Variants in SSBP2 observed in about 807,000 individuals in gnomAD.
SSBP2 encodes the protein single-stranded DNA-binding protein 2.
A neutral mutation model predicts 61.8 loss-of-function variants in SSBP2; 17 were observed. That is an observed-to-expected ratio of 0.28 (90% CI 0.19 to 0.41). The LOEUF is 0.41. Ranked by LOEUF, SSBP2 falls within the 10% of genes least tolerant of loss-of-function variation. The probability of loss-of-function intolerance (pLI) is 1.00; values close to 1 mark genes in which losing one functional copy is unlikely to be tolerated. For synonymous variants in SSBP2, 139 were observed against 141.3 expected (o/e 0.98, Z 0.12); for missense variants, 310 against 458.7 (o/e 0.68, Z 2.96).
At chr5:81,702,562 T>C (rs1754067989) in intron 1 of SSBP2, among the ~76,000 whole-genome samples, 1 of 152,094 alleles carries the variant, frequency 6.6e-6, no homozygotes, top group South Asian at 2.1e-4. Context: ...CCATAAGTTC[T>C]GAAAAAATGC....
chr5:81,492,204 T>C (rs1459295430), intron 5 of SSBP2, among the ~76,000 whole-genome samples: 1 of 152,124 alleles, frequency 6.6e-6, no homozygotes, highest in African/African-American at 2.4e-5. Context: ...GAAGAATAGG[T>C]TCTTCAAGAG....
chr5:81,732,155 T>A (rs1053641363), intron 1 of SSBP2, among the ~76,000 whole-genome samples: 1 of 152,170 alleles, frequency 6.6e-6, no homozygotes, highest in East Asian at 1.9e-4. Context: ...AACTAAAATA[T>A]GCAAAAATTA....
At chr5:81,666,347 A>G (rs1751135739) in intron 1 of SSBP2, among the ~76,000 whole-genome samples, 1 of 152,188 alleles carries the variant, frequency 6.6e-6, no homozygotes, top group African/African-American at 2.4e-5. Flanking sequence ...GTTAACACAG[A>G]CAGAGACATC....
chr5:81,474,442 A>T, intron 7 of SSBP2, 54 bp downstream of exon 7: 1 of 1,492,180 alleles, frequency 6.7e-7, no homozygotes, highest in South Asian at 1.1e-5. Flanking sequence ...AAGAGATAAA[A>T]GATTTCCTCT....
intron 15 of SSBP2, among the ~76,000 whole-genome samples, chr5:81,430,943 G>A (rs1484476399): frequency 6.6e-6 from 1 of 152,162 alleles, no homozygotes; most frequent in Non-Finnish European, 1.5e-5. Context: ...GAAAACAACA[G>A]AAGCTCCTCA....
chr5:81,573,828 A>G (rs935516504), intron 4 of SSBP2, among the ~76,000 whole-genome samples: 3 of 152,234 alleles, frequency 2.0e-5, no homozygotes, highest in African/African-American at 7.2e-5. Flanking sequence ...TAATGGAGAT[A>G]TAAGAGCTGA....
intron 1 of SSBP2, among the ~76,000 whole-genome samples, chr5:81,735,904 C>T (rs978639940): frequency 6.6e-6 from 1 of 152,098 alleles, no homozygotes; most frequent in African/African-American, 2.4e-5. Flanking sequence ...AATGACAAAA[C>T]GTATTTATCA....
At chr5:81,532,191 G>A (rs947506993) in intron 4 of SSBP2, among the ~76,000 whole-genome samples, 2 of 152,030 alleles carry the variant, frequency 1.3e-5, no homozygotes, top group Non-Finnish European at 2.9e-5. Flanking sequence ...TCCTTAGTAT[G>A]GAGGAGGAAG....
intron 14 of SSBP2, 77 bp downstream of exon 14, chr5:81,440,481 G>C: frequency 7.9e-7 from 1 of 1,269,814 alleles, no homozygotes; most frequent in Non-Finnish European, 1.1e-6. Flanking sequence ...GAAGAACTTT[G>C]GAAACTGTAA....
At chr5:81,546,115 G>A (rs1309815325) in intron 4 of SSBP2, among the ~76,000 whole-genome samples, 1 of 152,122 alleles carries the variant, frequency 6.6e-6, no homozygotes, top group Non-Finnish European at 1.5e-5. Flanking sequence ...CACCTACTGA[G>A]TGTTAGGCAT....
intron 11 of SSBP2, among the ~76,000 whole-genome samples, chr5:81,447,212 A>G (rs1763460355): frequency 6.6e-6 from 1 of 152,230 alleles, no homozygotes; most frequent in Non-Finnish European, 1.5e-5. Flanking sequence ...ATCATTCAAC[A>G]GGGTCTTTAC....
chr5:81,451,457 G>A (rs1343314625), intron 10 of SSBP2, among the ~76,000 whole-genome samples: 4 of 151,548 alleles, frequency 2.6e-5, no homozygotes, highest in Admixed American at 6.6e-5. Context: ...ATGGAGTTTC[G>A]CTCTTGTTGC....
intron 5 of SSBP2, among the ~76,000 whole-genome samples, chr5:81,511,753 A>G (rs147399187): frequency 7.0e-4 from 106 of 152,258 alleles, no homozygotes; most frequent in African/African-American, 2.4e-3. Context: ...ATAGTTATTT[A>G]TTTTTAATAA....
At chr5:81,513,752 T>C (rs1768795672) in intron 4 of SSBP2, 35 bp from the exon 5 acceptor site, 2 of 1,446,742 alleles carry the variant, frequency 1.4e-6, no homozygotes, top group East Asian at 2.3e-5. Context: ...ACCTATATCA[T>C]TACAGAGAAG....
rs78738072 is a variant in SSBP2 at position 81,446,504 on chromosome 5, T to C, written c.778+364A>G. 4.8e-3 allele frequency among the ~76,000 whole-genome samples: 736 copies of C among 152,304 alleles called. 2 individuals are homozygous for C. The highest frequency in any genetic ancestry group is 0.016 in the African/African-American group (681 of 41,572). Reference sequence around the variant, plus strand: ...AGATGTGGTGAGTCTGATTTGGCATTTTAAACCTAATGAATCCATGTATTT... The same window carrying C: ...AGATGTGGTGAGTCTGATTTGGCATCTTAAACCTAATGAATCCATGTATTT... On this transcript the variant is annotated intron_variant, in intron 12 of 16. Transcript: ENST00000320672.
At chr5:81,473,921 C>G (rs1406874528) in intron 7 of SSBP2, 151 bp from the exon 8 acceptor site, 1 of 673,394 alleles carries the variant, frequency 1.5e-6, no homozygotes, top group Admixed American at 2.3e-5. Context: ...CACTTTTCCA[C>G]CTCTTACCAC....
intron 16 of SSBP2, among the ~76,000 whole-genome samples, chr5:81,423,092 G>A (rs967409969): frequency 1.1e-4 from 16 of 152,218 alleles, no homozygotes; most frequent in African/African-American, 3.9e-4. Context: ...GAAAAAATCA[G>A]AGAATATGGC....
chr5:81,727,541 C>T (rs144161944), intron 1 of SSBP2, among the ~76,000 whole-genome samples: 40 of 149,930 alleles, frequency 2.7e-4, no homozygotes, highest in Non-Finnish European at 4.3e-4. Flanking sequence ...AAGAGCAAAA[C>T]TCCACCTCAA....
intron 6 of SSBP2, among the ~76,000 whole-genome samples, chr5:81,485,270 T>C (rs758176947): frequency 1.8e-4 from 27 of 152,206 alleles, no homozygotes; most frequent in Admixed American, 2.0e-4. Context: ...CTCTGCTATA[T>C]TGCACAGTTT....
Sources: allele counts gnomAD v4.1 joint callset (sites outside exome capture counted in the v4.1 genomes callset), GRCh38; gene constraint gnomAD v4.1.1; transcripts MANE v1.5; gene names NCBI Gene and HGNC (gene_info 2026-07-23, HGNC 2026-07-21).